The following KIF1B variants were observed in gnomAD, a reference collection of about 807,000 sequenced individuals.
The protein encoded by KIF1B is kinesin family member 1B.
Under a neutral mutation model 241.9 loss-of-function variants are expected in KIF1B, and 76 were observed. The ratio of observed to expected loss-of-function variants is 0.31; its 90% CI spans 0.26 to 0.38. The LOEUF (loss-of-function observed/expected upper bound fraction) is 0.38, where lower values mean the gene tolerates loss of function less well. Among genes scored for constraint, KIF1B ranks in the 10% least tolerant of loss-of-function variants. The pLI, the probability that KIF1B is intolerant of heterozygous loss-of-function variation, is 1.00. For missense variants in KIF1B, 1,622 were observed against 2,271.4 expected, an observed-to-expected ratio of 0.71 and a Z score of 5.81; for synonymous variants, 750 against 796.7, an observed-to-expected ratio of 0.94 and a Z score of 0.99.
At chr1:10,362,234 C>T (rs1007391193) in intron 40 of KIF1B, among the ~76,000 whole-genome samples, 7 of 152,056 alleles carry the variant, frequency 4.6e-5, no homozygotes, top group African/African-American at 1.2e-4. Flanking sequence ...AATCCCAGCA[C>T]GTTGGGAGGC....
rs186509009 is a variant in KIF1B, at chr1:10,229,809, C to A, written c.-79-2441C>A. 2.1e-3 allele frequency among the ~76,000 whole-genome samples: 284 copies of A among 136,662 alleles called. 2 individuals carry two copies. The highest frequency in any genetic ancestry group is 6.7e-3 in the African/African-American group (238 of 35,700). The allele number at this position is 136,662 out of a possible 152,430, so 89.7% of individuals were successfully genotyped here. ...CTGGGAGGCGGAGTTTGCAGTGAGC[C>A]GAGATCGCGCCACTGCACTCCATCC... is the stretch of plus-strand genomic sequence containing the variant. On this transcript the variant is annotated intron_variant, in intron 1 of 48. Transcript: ENST00000676179.
Position 10,368,538 on chromosome 1 carries a change from G to A in KIF1B, c.4824G>A (p.Lys1608=). ...TGCACGGCAGCGTCAGTGACTGTAAGGTGAGCACATTGACTGTAATTTTTA... is the reference window on the plus strand; with the variant it reads ...TGCACGGCAGCGTCAGTGACTGTAAAGTGAGCACATTGACTGTAATTTTTA... The part of the protein sequence containing the change: ...SQVHGSVSDC[K]LSDISPIGRD... The change falls in exon 44 of 49, where the codon AAG becomes AAA. Residue 1608 remains lysine (K), a splice_region_variant and synonymous_variant. Transcript: ENST00000676179. 6.2e-7 allele frequency: 1 copy of A among 1,612,736 alleles called. No homozygotes were observed. The highest frequency in any genetic ancestry group is 8.5e-7 in the Non-Finnish European group (1 of 1,178,744).
chr1:10,362,784 G>T (rs1285713851), intron 40 of KIF1B, among the ~76,000 whole-genome samples: 1 of 152,136 alleles, frequency 6.6e-6, no homozygotes, highest in Non-Finnish European at 1.5e-5. Context: ...AAAAGATAGA[G>T]ATGAGGTGGG....
chr1:10,256,772 T>G (rs1569592397), intron 3 of KIF1B, among the ~76,000 whole-genome samples: 1 of 151,714 alleles, frequency 6.6e-6, no homozygotes, highest in Non-Finnish European at 1.5e-5. Context: ...AGTACAGTGG[T>G]GCCATCTTGG....
At chr1:10,260,904 C>T (rs1451693041) in intron 4 of KIF1B, among the ~76,000 whole-genome samples, 1 of 150,432 alleles carries the variant, frequency 6.6e-6, no homozygotes, top group East Asian at 1.9e-4. Flanking sequence ...ACACTTTGTA[C>T]AGCTGTACAA....
At chr1:10,247,123 C>G (rs549999908) in intron 2 of KIF1B, among the ~76,000 whole-genome samples, 3 of 152,320 alleles carry the variant, frequency 2.0e-5, no homozygotes, top group Admixed American at 2.0e-4. Context: ...CCTAGGCCTC[C>G]CAAAGTGCTA....
chr1:10,354,095 C>T (rs1288842679), intron 38 of KIF1B, among the ~76,000 whole-genome samples: 1 of 152,118 alleles, frequency 6.6e-6, no homozygotes, highest in Non-Finnish European at 1.5e-5. Flanking sequence ...CTTTAATTCA[C>T]GCCCAACAAC....
At chr1:10,260,867 C>CA (rs199595339) in intron 4 of KIF1B, among the ~76,000 whole-genome samples, 1,641 of 99,718 alleles carry the variant, frequency 0.016, 22 homozygotes, top group Middle Eastern at 0.058. Flanking sequence ...AACTCGGTCT[C>CA]AAAAAAAAAA....
intron 15 of KIF1B, among the ~76,000 whole-genome samples, chr1:10,288,398 T>C (rs1051173576): frequency 6.6e-6 from 1 of 152,196 alleles, no homozygotes; most frequent in Non-Finnish European, 1.5e-5. Context: ...TTGTTCTCCA[T>C]TTGTGGGGCG....
chr1:10,231,728 T>C (rs566325128), intron 1 of KIF1B, among the ~76,000 whole-genome samples: 1 of 152,260 alleles, frequency 6.6e-6, no homozygotes, highest in South Asian at 2.1e-4. Context: ...GGTTTGCACG[T>C]GGAAAGTTAT....
intron 4 of KIF1B, 46 bp downstream of exon 4, chr1:10,258,718 T>G: frequency 6.4e-7 from 1 of 1,571,232 alleles, no homozygotes; most frequent in Non-Finnish European, 8.8e-7. Flanking sequence ...TTATTAGTGT[T>G]AGTCTTAAAT....
In KIF1B at chr1:10,238,842, T is replaced by C. The variant is rs376026387; in HGVS notation, c.106+6408T>C. Among the ~76,000 whole-genome samples the C allele has an allele frequency of 2.0e-5, 3 of 152,290 alleles. No homozygotes were observed. The East Asian group carries it at 5.8e-4, about 29-fold the overall frequency. Reference sequence around the variant, plus strand: ...TGTAAATGCATGTAAATTATGAACATTGTGAATAATAAACGAGAAAGAAAA... The same window carrying C: ...TGTAAATGCATGTAAATTATGAACACTGTGAATAATAAACGAGAAAGAAAA... On this transcript the variant is annotated intron_variant, in intron 2 of 48. Transcript: ENST00000676179.
chr1:10,240,874 A>G (rs1389930923), intron 2 of KIF1B, among the ~76,000 whole-genome samples: 1 of 151,808 alleles, frequency 6.6e-6, no homozygotes, highest in African/African-American at 2.4e-5. Flanking sequence ...CTCATTTCTT[A>G]AATATTCCTC....
At chr1:10,262,381 C>G (rs1398637293) in intron 5 of KIF1B, among the ~76,000 whole-genome samples, 1 of 152,148 alleles carries the variant, frequency 6.6e-6, no homozygotes, top group Non-Finnish European at 1.5e-5. Context: ...AACTCTTGGG[C>G]TCAAGCAATC....
chr1:10,287,867 A>T (rs1569716013), intron 15 of KIF1B, among the ~76,000 whole-genome samples: 1 of 152,240 alleles, frequency 6.6e-6, no homozygotes. Flanking sequence ...AAATATTTTT[A>T]AAATATCTCA....
intron 45 of KIF1B, among the ~76,000 whole-genome samples, chr1:10,372,944 G>A (rs1368255728): frequency 6.6e-6 from 1 of 151,494 alleles, no homozygotes; most frequent in African/African-American, 2.4e-5. Flanking sequence ...CTCCAAAGTA[G>A]CTGGGATTAC....
rs767558208 is a variant in KIF1B, at chr1:10,326,334, T to A, written c.2899T>A (p.Ser967Thr). Residue 967 changes from serine (S) to threonine (T), a missense_variant, in exon 27 of 49, where the codon TCC (serine) becomes ACC (threonine). This residue lies in a region of KIF1B where 803 missense variants were observed against 1,112.0 expected (regional missense o/e 0.72). Transcript: ENST00000676179. This position sits in a 1 kb window ranked among gnomAD's most constrained non-coding sequence, Gnocchi z 5.2. ...CGGGCATGACCCGTTTTACGACCGA[T>A]CCCCTTGGTTCATTTTAGTGGGAAG... ...SDGHDPFYDR[S>T]PWFILVGRAF... 1.2e-6 allele frequency: 2 copies of A among 1,614,150 alleles called. No individual in the cohort carries two copies. The highest frequency in any genetic ancestry group is 2.7e-5 in the African/African-American group (2 of 75,032).
chr1:10,271,623 C>T (rs1648803661), intron 8 of KIF1B, 44 bp downstream of exon 8: 4 of 1,259,798 alleles, frequency 3.2e-6, no homozygotes, highest in East Asian at 2.3e-5. Flanking sequence ...TAAATGGCCA[C>T]TACCTGTTTT....
At chr1:10,247,803 G>A (rs986260239) in intron 2 of KIF1B, among the ~76,000 whole-genome samples, 2 of 152,164 alleles carry the variant, frequency 1.3e-5, no homozygotes, top group Admixed American at 6.5e-5. Context: ...TGGCACCAGG[G>A]ACCGGTTTTG....
Sources: gnomAD v4.1 joint callset for allele counts (sites outside exome capture counted in the v4.1 genomes callset) on GRCh38, gnomAD v4.1.1 for gene constraint, gnomAD v4.1.1 regional missense constraint, Gnocchi (gnomAD v3.1) non-coding constraint, MANE v1.5 for transcripts, NCBI Gene and HGNC (gene_info 2026-07-23, HGNC 2026-07-21) for gene names.